The following ARNT2 variants were observed in gnomAD, a reference collection of about 807,000 sequenced individuals.
ARNT2 encodes the protein aryl hydrocarbon receptor nuclear translocator 2.
In ARNT2, 36 loss-of-function variants were observed where a neutral mutation model predicts 91.7. That is an observed-to-expected ratio of 0.39 (90% confidence interval 0.30 to 0.52). ARNT2 has a LOEUF of 0.52. ARNT2 is among the 20% of genes least tolerant of loss of function. The pLI is 0.72. For missense variants in ARNT2, 775 were observed against 939.3 expected, an observed-to-expected ratio of 0.83 and a Z score of 2.29; for synonymous variants, 365 against 347.1, an observed-to-expected ratio of 1.05 and a Z score of -0.57.
chr15:80,574,308 C>T (rs893861284), intron 13 of ARNT2, 88 bp downstream of exon 13: 40 of 1,311,732 alleles, frequency 3.0e-5, no homozygotes, highest in Non-Finnish European at 4.3e-5. Flanking sequence ...TTGAGCCCCT[C>T]AACACAAAGG....
rs561010121 is a variant in ARNT2, at chr15:80,544,070, A to G, written c.878-7129A>G. On this transcript the variant is annotated intron_variant, in intron 8 of 18. Coordinates refer to ENST00000303329, the MANE Select transcript of ARNT2 (RefSeq NM_014862.4). ...CTAGTACATTTTTAAAATGTCAGAC[A>G]TTGTAGCTTTCATCTCCAGAAGTTT... 1.4e-4 allele frequency among the ~76,000 whole-genome samples: 22 copies of G among 152,336 alleles called. No individual in the cohort carries two copies. The South Asian group carries it at 4.1e-3, about 29-fold the overall frequency.
At chr15:80,562,652 G>A (rs1233648990) in intron 11 of ARNT2, among the ~76,000 whole-genome samples, 1 of 152,104 alleles carries the variant, frequency 6.6e-6, no homozygotes, top group Non-Finnish European at 1.5e-5. Context: ...GTATGTTGCC[G>A]TACCAAGAAA....
chr15:80,435,561 T>A (rs919826122), intron 1 of ARNT2, among the ~76,000 whole-genome samples: 4 of 152,046 alleles, frequency 2.6e-5, no homozygotes, highest in Admixed American at 2.6e-4. Flanking sequence ...CCATGCACAT[T>A]GCTGACCCCA....
intron 8 of ARNT2, among the ~76,000 whole-genome samples, chr15:80,519,860 ATTTTT>A (rs539637778): frequency 8.4e-6 from 1 of 119,288 alleles, no homozygotes; most frequent in African/African-American, 3.0e-5. Flanking sequence ...AATTTTTTGT[ATTTTT>A]TTTTTTTTTT....
chr15:80,522,837 C>T (rs369706378), intron 8 of ARNT2, among the ~76,000 whole-genome samples: 3 of 126,642 alleles, frequency 2.4e-5, no homozygotes, highest in East Asian at 2.2e-4. Context: ...TATATATATA[C>T]ACACATTAAA....
At chr15:80,466,527 T>A (rs1049850268) in intron 3 of ARNT2, among the ~76,000 whole-genome samples, 2 of 152,194 alleles carry the variant, frequency 1.3e-5, no homozygotes, top group African/African-American at 4.8e-5. Flanking sequence ...AGACACCAGG[T>A]TCACAGGCTC....
intron 5 of ARNT2, among the ~76,000 whole-genome samples, chr15:80,496,843 T>C (rs1392503732): frequency 6.6e-6 from 1 of 152,200 alleles, no homozygotes; most frequent in Admixed American, 6.5e-5. Flanking sequence ...GAGAGATACA[T>C]GGAGCATCCA....
chr15:80,459,571 G>A (rs1567185141), intron 3 of ARNT2, among the ~76,000 whole-genome samples: 4 of 152,188 alleles, frequency 2.6e-5, no homozygotes, highest in Admixed American at 2.0e-4. Context: ...AAGAGGAAGA[G>A]AGATGAGGAG....
intron 12 of ARNT2, among the ~76,000 whole-genome samples, chr15:80,567,344 G>A (rs1408635055): frequency 7.0e-6 from 1 of 142,502 alleles, no homozygotes; most frequent in Non-Finnish European, 1.5e-5. Flanking sequence ...GATCTGCTTA[G>A]CATCTGTTCA....
At chr15:80,418,422 T>G (rs1895816717) in intron 1 of ARNT2, among the ~76,000 whole-genome samples, 1 of 152,234 alleles carries the variant, frequency 6.6e-6, no homozygotes, top group Non-Finnish European at 1.5e-5. Context: ...GTCCCTGTTG[T>G]GCTGTGACAG....
At chr15:80,477,349 C>T (rs1427874039) in intron 5 of ARNT2, among the ~76,000 whole-genome samples, 2 of 152,236 alleles carry the variant, frequency 1.3e-5, no homozygotes, top group African/African-American at 4.8e-5. Flanking sequence ...CTAGCTGTGT[C>T]CTCACATGGT....
At chr15:80,536,914 A>G (rs1377707051) in intron 8 of ARNT2, among the ~76,000 whole-genome samples, 1 of 152,144 alleles carries the variant, frequency 6.6e-6, no homozygotes, top group Non-Finnish European at 1.5e-5. Flanking sequence ...ATGACAGGCT[A>G]TGGAGGAGCC....
At chr15:80,432,102 C>T (rs1340491410) in intron 1 of ARNT2, among the ~76,000 whole-genome samples, 3 of 152,202 alleles carry the variant, frequency 2.0e-5, no homozygotes, top group Non-Finnish European at 4.4e-5. Flanking sequence ...AGATTAAGGG[C>T]CTACTGTCAA....
intron 5 of ARNT2, among the ~76,000 whole-genome samples, chr15:80,483,335 G>A (rs1378240025): frequency 6.6e-6 from 1 of 152,212 alleles, no homozygotes; most frequent in African/African-American, 2.4e-5. Context: ...AGCAACCTGG[G>A]TCGAGGGCAT....
chr15:80,491,796 CTTTTTTTTTTT>C (rs58958624), intron 5 of ARNT2, among the ~76,000 whole-genome samples: 1 of 67,590 alleles, frequency 1.5e-5, no homozygotes, highest in Admixed American at 1.8e-4. Context: ...CAGGACAGGC[CTTTTTTTTTTT>C]TTTTTTTTTT....
intron 4 of ARNT2, among the ~76,000 whole-genome samples, chr15:80,474,733 G>A (rs942318768): frequency 1.3e-5 from 2 of 152,126 alleles, no homozygotes; most frequent in Non-Finnish European, 2.9e-5. Context: ...ATCACTCATT[G>A]CTCTCCCATC....
intron 1 of ARNT2, among the ~76,000 whole-genome samples, chr15:80,416,253 C>G (rs897869911): frequency 3.3e-5 from 5 of 152,034 alleles, no homozygotes; most frequent in Non-Finnish European, 7.4e-5. Context: ...CCCCAGATTC[C>G]CCCATTGTGT....
At chr15:80,577,062 GT>G in intron 15 of ARNT2, 97 bp downstream of exon 15, 1 of 1,237,966 alleles carries the variant, frequency 8.1e-7, no homozygotes, top group East Asian at 2.3e-5. Context: ...GTAAGCATGA[GT>G]TAGTGGTTAC....
intron 8 of ARNT2, among the ~76,000 whole-genome samples, chr15:80,541,515 T>TTTC (rs1402726476): frequency 2.6e-5 from 4 of 152,196 alleles, no homozygotes; most frequent in African/African-American, 9.7e-5. Flanking sequence ...TGTCAATTTT[T>TTTC]TTCGTTGCAA....
Sources: gnomAD v4.1 joint callset for allele counts (sites outside exome capture counted in the v4.1 genomes callset) on GRCh38, gnomAD v4.1.1 for gene constraint, MANE v1.5 for transcripts, NCBI Gene and HGNC (gene_info 2026-07-23, HGNC 2026-07-21) for gene names.